Variants in SLC35F1 observed in about 807,000 individuals in gnomAD.
SLC35F1 encodes solute carrier family 35 member F1, also known as chromosome 6 open reading frame 169.
A neutral mutation model predicts 48.7 loss-of-function variants in SLC35F1; 14 were observed. The ratio of observed to expected loss-of-function variants is 0.29; its 90% CI spans 0.19 to 0.45. The LOEUF is 0.45. SLC35F1 is among the 20% of genes least tolerant of loss of function. The pLI, the probability that SLC35F1 is intolerant of heterozygous loss-of-function variation, is 1.00. For missense variants in SLC35F1, 404 were observed against 500.0 expected, an observed-to-expected ratio of 0.81 and a Z score of 1.83; for synonymous variants, 190 against 202.2, an observed-to-expected ratio of 0.94 and a Z score of 0.51.
intron 1 of SLC35F1, among the ~76,000 whole-genome samples, chr6:118,140,598 A>AT (rs61439935): frequency 2.3e-4 from 35 of 149,926 alleles, no homozygotes; most frequent in African/African-American, 6.3e-4. Flanking sequence ...TATTCCTTAT[A>AT]TTTTTTTTTT....
At chr6:118,029,261 A>G (rs1259094408) in intron 1 of SLC35F1, among the ~76,000 whole-genome samples, 1 of 152,158 alleles carries the variant, frequency 6.6e-6, no homozygotes, top group Non-Finnish European at 1.5e-5. Context: ...GGAAGAAAGG[A>G]AAAATACAGT....
chr6:118,033,965 A>T (rs922109745), intron 1 of SLC35F1, among the ~76,000 whole-genome samples: 4 of 152,226 alleles, frequency 2.6e-5, no homozygotes, highest in Admixed American at 6.5e-5. Flanking sequence ...TATTGAATCA[A>T]TCAATTAGTT....
At chr6:118,163,426 A>T (rs936236224) in intron 2 of SLC35F1, among the ~76,000 whole-genome samples, 1 of 9,560 alleles carries the variant, frequency 1.0e-4, no homozygotes, top group African/African-American at 1.0e-3. Context: ...ACTCACACTC[A>T]CACACACACA....
At chr6:117,995,765 T>C (rs1776978334) in intron 1 of SLC35F1, among the ~76,000 whole-genome samples, 1 of 151,788 alleles carries the variant, frequency 6.6e-6, no homozygotes, top group African/African-American at 2.4e-5. Flanking sequence ...ATGAAATAAA[T>C]AAATAAAAAT....
intron 1 of SLC35F1, among the ~76,000 whole-genome samples, chr6:117,926,830 T>A (rs1433058040): frequency 1.3e-5 from 2 of 152,138 alleles, no homozygotes; most frequent in African/African-American, 4.8e-5. Context: ...AAGATCTGGC[T>A]GCCTGCAGTA....
chr6:118,235,485 T>C lies in SLC35F1; in HGVS notation c.350-24T>C, dbSNP rs536665971. 248 of 1,607,270 alleles carry C rather than the reference T, an allele frequency of 1.5e-4. 3 individuals are homozygous for C. The South Asian group carries it at 2.7e-3, about 18-fold the overall frequency. ...TATTCTATTTCAGGAACCTAACCCATTTCTTCTTAACTTTGTAACACAGGA... is the reference window on the plus strand; with the variant it reads ...TATTCTATTTCAGGAACCTAACCCACTTCTTCTTAACTTTGTAACACAGGA... On this transcript the variant is annotated intron_variant, in intron 2 of 7. Coordinates refer to ENST00000360388, the MANE Select transcript of SLC35F1 (RefSeq NM_001029858.4).
At chr6:118,201,686 A>G (rs1774875509) in intron 2 of SLC35F1, among the ~76,000 whole-genome samples, 2 of 152,252 alleles carry the variant, frequency 1.3e-5, no homozygotes, top group Admixed American at 6.5e-5. Context: ...GTATGTTCAC[A>G]TAGTTGTACA....
chr6:117,984,523 T>C (rs1359835583), intron 1 of SLC35F1, among the ~76,000 whole-genome samples: 1 of 151,930 alleles, frequency 6.6e-6, no homozygotes, highest in Non-Finnish European at 1.5e-5. Flanking sequence ...GGAATAATAT[T>C]TCATGACACA....
At chr6:118,223,436 A>G (rs1449660703) in intron 2 of SLC35F1, among the ~76,000 whole-genome samples, 1 of 152,218 alleles carries the variant, frequency 6.6e-6, no homozygotes, top group Non-Finnish European at 1.5e-5. Flanking sequence ...TTTTATAAAT[A>G]GTAGACTTTC....
chr6:117,927,295 G>A (rs540356279), intron 1 of SLC35F1, among the ~76,000 whole-genome samples: 3 of 152,300 alleles, frequency 2.0e-5, no homozygotes, highest in African/African-American at 7.2e-5. Context: ...TGAGAGTTGA[G>A]ATTCACATGA....
intron 1 of SLC35F1, among the ~76,000 whole-genome samples, chr6:118,026,839 G>A (rs1022879421): frequency 2.0e-5 from 3 of 152,146 alleles, no homozygotes; most frequent in African/African-American, 7.2e-5. Flanking sequence ...TTTATGTACA[G>A]TAAAATTTAC....
At chr6:118,258,271 A>C (rs1775670587) in intron 3 of SLC35F1, among the ~76,000 whole-genome samples, 1 of 152,140 alleles carries the variant, frequency 6.6e-6, no homozygotes, top group Non-Finnish European at 1.5e-5. Context: ...GTGACTATCT[A>C]ATTTTTCTAA....
rs145421930 is a variant in SLC35F1 at position 118,301,035 on chromosome 6, A to G, written c.1003-12993A>G. ...GTACTGGTGTTTCCTTTGTGTTCCA[A>G]CCAATTCCATCTTTAAATGAAAGGA... On this transcript the variant is annotated intron_variant, in intron 7 of 7. Coordinates refer to ENST00000360388, the MANE Select transcript of SLC35F1 (RefSeq NM_001029858.4). Among the ~76,000 whole-genome samples, 47 of 152,204 alleles carry G rather than the reference A, an allele frequency of 3.1e-4. No homozygotes were observed. In the East Asian group the frequency reaches 8.7e-3, roughly 28 times the overall value.
At chr6:117,985,414 A>G (rs1776835671) in intron 1 of SLC35F1, among the ~76,000 whole-genome samples, 2 of 152,282 alleles carry the variant, frequency 1.3e-5, no homozygotes, top group Admixed American at 1.3e-4. Flanking sequence ...TGTAATGGGC[A>G]CATGGAGGGA....
intron 2 of SLC35F1, among the ~76,000 whole-genome samples, chr6:118,231,447 G>A (rs1477946801): frequency 6.6e-6 from 1 of 152,166 alleles, no homozygotes; most frequent in East Asian, 1.9e-4. Flanking sequence ...ATTCTAGAAA[G>A]AGTTTTAATG....
Position 118,314,318 on chromosome 6 carries a change from T to C in SLC35F1, c.*66T>C. The C allele has an allele frequency of 7.2e-7, 1 of 1,396,366 alleles. No homozygotes were observed. Among genetic ancestry groups the C allele is most frequent in the Non-Finnish European group, 1.0e-6 (1 of 990,752 alleles). 86.5% of individuals were successfully genotyped at this position (1,396,366 alleles called of 1,614,324 possible). ...ATGTTTTTGCCCATCATCTCTGTAT[T>C]GTACATAGAGAAAGGTATTTACTAG... On this transcript the variant is annotated 3_prime_UTR_variant, in exon 8 of 8. Transcript: ENST00000360388.
chr6:118,025,723 T>G (rs1488492587), intron 1 of SLC35F1, among the ~76,000 whole-genome samples: 2 of 152,226 alleles, frequency 1.3e-5, no homozygotes, highest in Non-Finnish European at 2.9e-5. Flanking sequence ...CATTTTAGTT[T>G]GTTGCTCAAA....
At chr6:118,201,666 G>C (rs1276267098) in intron 2 of SLC35F1, among the ~76,000 whole-genome samples, 1 of 152,106 alleles carries the variant, frequency 6.6e-6, no homozygotes, top group Non-Finnish European at 1.5e-5. Flanking sequence ...ATATAATTCG[G>C]TGGGTTTTAG....
chr6:118,135,316 A>T (rs980307591), intron 1 of SLC35F1, among the ~76,000 whole-genome samples: 2 of 152,202 alleles, frequency 1.3e-5, no homozygotes, highest in African/African-American at 2.4e-5. Flanking sequence ...CTGGGTTATA[A>T]ACTCTTAGTC....
Sources: allele counts gnomAD v4.1 joint callset (sites outside exome capture counted in the v4.1 genomes callset), GRCh38; gene constraint gnomAD v4.1.1; transcripts MANE v1.5; gene names NCBI Gene and HGNC (gene_info 2026-07-23, HGNC 2026-07-21).